MEOX2: variants seen among roughly 807,000 people sequenced by gnomAD.
MEOX2 encodes mesenchyme homeobox 2, also known as homeobox protein MOX-2.
Under a neutral mutation model 27.0 loss-of-function variants are expected in MEOX2, and 11 were observed. The ratio of observed to expected loss-of-function variants is 0.41; its 90% CI spans 0.26 to 0.68. MEOX2 has a LOEUF of 0.68. Ranked by LOEUF, MEOX2 falls within the 30% of genes least tolerant of loss-of-function variation. MEOX2 has a pLI of 0.33. For missense variants in MEOX2, 436 were observed against 385.4 expected, an observed-to-expected ratio of 1.13 and a Z score of -1.10; for synonymous variants, 189 against 155.4, an observed-to-expected ratio of 1.22 and a Z score of -1.61.
intron 1 of MEOX2, among the ~76,000 whole-genome samples, chr7:15,633,105 C>T (rs528236011): frequency 1.3e-5 from 2 of 152,060 alleles, no homozygotes; most frequent in Admixed American, 1.3e-4. Flanking sequence ...CACATTATGT[C>T]ACTGTACGGA....
At chr7:15,671,635 C>G (rs982635642) in intron 1 of MEOX2, among the ~76,000 whole-genome samples, 3 of 152,162 alleles carry the variant, frequency 2.0e-5, no homozygotes, top group African/African-American at 4.8e-5. Flanking sequence ...CACAAACAAA[C>G]AGCATTGAGG....
intron 2 of MEOX2, among the ~76,000 whole-genome samples, chr7:15,625,391 A>G (rs1288997171): frequency 1.3e-5 from 2 of 152,218 alleles, no homozygotes; most frequent in African/African-American, 4.8e-5. Context: ...CATAGGTACT[A>G]GTCATAATAT....
chr7:15,652,500 A>T (rs977308169), intron 1 of MEOX2, among the ~76,000 whole-genome samples: 5 of 152,082 alleles, frequency 3.3e-5, no homozygotes, highest in Non-Finnish European at 7.4e-5. Flanking sequence ...AATATCTAAG[A>T]AGAGTATAAA....
chr7:15,611,421 T>A lies in MEOX2; in HGVS notation c.*966A>T, dbSNP rs1382671974. 6.6e-6 allele frequency: 1 copy of A among 152,656 alleles called. No homozygotes were observed. The highest frequency in any genetic ancestry group is 1.5e-5 in the Non-Finnish European group (1 of 68,032). The allele number at this position is 152,656 out of a possible 1,614,324, so 9.5% of individuals were successfully genotyped here. ...TTGTCAATCAGGAAGAAATGTTTTCTTGTTAATTAAATCATATTCATACAG... is the reference window on the plus strand; with the variant it reads ...TTGTCAATCAGGAAGAAATGTTTTCATGTTAATTAAATCATATTCATACAG... On this transcript the variant is annotated 3_prime_UTR_variant, in exon 3 of 3. Transcript: ENST00000262041.
chr7:15,639,290 G>T (rs1030680832), intron 1 of MEOX2, among the ~76,000 whole-genome samples: 1 of 151,940 alleles, frequency 6.6e-6, no homozygotes, highest in African/African-American at 2.4e-5. Context: ...TGAGAAGTAT[G>T]TGTTCATGTC....
intron 1 of MEOX2, among the ~76,000 whole-genome samples, chr7:15,664,484 AAAC>A (rs1189167965): frequency 1.3e-5 from 2 of 152,200 alleles, no homozygotes; most frequent in East Asian, 3.8e-4. Flanking sequence ...GCCAGCAAAC[AAAC>A]AACAAAAACT....
At chr7:15,659,542 C>G (rs997580866) in intron 1 of MEOX2, among the ~76,000 whole-genome samples, 2 of 151,978 alleles carry the variant, frequency 1.3e-5, no homozygotes, top group Non-Finnish European at 2.9e-5. Flanking sequence ...GGGTGGATCA[C>G]AAGGTCAGGA....
chr7:15,623,970 G>A (rs368037631), intron 2 of MEOX2, among the ~76,000 whole-genome samples: 77 of 152,270 alleles, frequency 5.1e-4, no homozygotes, highest in African/African-American at 1.6e-3. Context: ...GCATAGCAAA[G>A]GTTTTTCCCA....
chr7:15,659,801 A>T (rs1178480520), intron 1 of MEOX2, among the ~76,000 whole-genome samples: 3 of 151,062 alleles, frequency 2.0e-5, no homozygotes, highest in Non-Finnish European at 4.4e-5. Context: ...ATCCAGCTTA[A>T]TGATTTTTAG....
At chr7:15,669,017 A>G (rs1331055172) in intron 1 of MEOX2, among the ~76,000 whole-genome samples, 1 of 152,200 alleles carries the variant, frequency 6.6e-6, no homozygotes, top group Non-Finnish European at 1.5e-5. Flanking sequence ...CAATAGCACC[A>G]TTTCTTAATT....
intron 2 of MEOX2, among the ~76,000 whole-genome samples, chr7:15,625,177 C>T (rs978547617): frequency 6.6e-5 from 10 of 152,124 alleles, no homozygotes; most frequent in African/African-American, 2.4e-4. Flanking sequence ...TCCTAGAATT[C>T]ACCATCTCTA....
intron 1 of MEOX2, among the ~76,000 whole-genome samples, chr7:15,665,882 C>A (rs1188281164): frequency 6.6e-6 from 1 of 152,044 alleles, no homozygotes; most frequent in African/African-American, 2.4e-5. Flanking sequence ...GTTCAAACAG[C>A]AGATTATAGA....
chr7:15,648,316 G>A lies in MEOX2; in HGVS notation c.518-21398C>T, dbSNP rs566364435. ...AAAAAGCAATTTTAACCCTACAATC[G>A]TAATAAACGAGATTGCTTTTTCCTT... On this transcript the variant is annotated intron_variant, in intron 1 of 2. Coordinates refer to ENST00000262041, the MANE Select transcript of MEOX2 (RefSeq NM_005924.5). 1.1e-3 allele frequency among the ~76,000 whole-genome samples: 173 copies of A among 152,034 alleles called. 2 individuals are homozygous for A. The highest frequency in any genetic ancestry group is 3.6e-3 in the Admixed American group (55 of 15,236).
At chr7:15,620,586 CA>C (rs773630346) in intron 2 of MEOX2, among the ~76,000 whole-genome samples, 1 of 150,972 alleles carries the variant, frequency 6.6e-6, no homozygotes, top group Admixed American at 6.6e-5. Context: ...AAAAGCAAAA[CA>C]AAAAAAACAG....
At chr7:15,636,083 T>C (rs1158266491) in intron 1 of MEOX2, among the ~76,000 whole-genome samples, 2 of 152,014 alleles carry the variant, frequency 1.3e-5, no homozygotes, top group Non-Finnish European at 2.9e-5. Flanking sequence ...AGTCACATTC[T>C]GCCTAGTGGT....
intron 1 of MEOX2, among the ~76,000 whole-genome samples, chr7:15,656,310 C>A (rs1272281527): frequency 6.6e-6 from 1 of 151,824 alleles, no homozygotes; most frequent in Non-Finnish European, 1.5e-5. Context: ...ACCACTCTAT[C>A]AATCTCTGAC....
chr7:15,620,573 C>A lies in MEOX2; in HGVS notation c.690+6173G>T, dbSNP rs571441623. Among the ~76,000 whole-genome samples the A allele has an allele frequency of 1.5e-3, 226 of 151,860 alleles. 1 individual carries two copies. The highest frequency in any genetic ancestry group is 2.6e-3 in the Non-Finnish European group (177 of 67,952). ...GGGTGACAAACAACAACAACAACAA[C>A]AAAAAAGCAAAACAAAAAAAACAGC... On this transcript the variant is annotated intron_variant, in intron 2 of 2. Transcript: ENST00000262041.
At chr7:15,673,597 C>A (rs1489809319) in intron 1 of MEOX2, among the ~76,000 whole-genome samples, 121 of 76,172 alleles carry the variant, frequency 1.6e-3, no homozygotes, top group Middle Eastern at 0.012. Context: ...ACAAGTCTAT[C>A]AAAAAAAAAA....
chr7:15,682,134 G>GTT (rs544518951), intron 1 of MEOX2, among the ~76,000 whole-genome samples: 1 of 150,924 alleles, frequency 6.6e-6, no homozygotes, highest in African/African-American at 2.4e-5. Context: ...AAGAATGGAA[G>GTT]TTTTTTTTTG....
Sources: gnomAD v4.1 joint callset for allele counts (sites outside exome capture counted in the v4.1 genomes callset) on GRCh38, gnomAD v4.1.1 for gene constraint, MANE v1.5 for transcripts, NCBI Gene and HGNC (gene_info 2026-07-23, HGNC 2026-07-21) for gene names.